DPYD: variants seen among roughly 807,000 people sequenced by gnomAD.
The protein encoded by DPYD is dihydropyrimidine dehydrogenase [NADP(+)].
A neutral mutation model predicts 116.2 loss-of-function variants in DPYD; 109 were observed. The observed-to-expected ratio is 0.94, with a 90% CI of 0.80 to 1.10. The LOEUF is 1.10. Ranked by LOEUF, DPYD falls within the 50% of genes least tolerant of loss-of-function variation. The pLI is 0.00. For synonymous variants in DPYD, 440 were observed against 432.0 expected (o/e 1.02, Z -0.23); for missense variants, 1,302 against 1,254.5 (o/e 1.04, Z -0.57).
rs7411549 is a variant in DPYD at position 97,638,766 on chromosome 1, A to C, written c.850+40329T>G. Among the ~76,000 whole-genome samples, 6 of 152,190 alleles carry C rather than the reference A, an allele frequency of 3.9e-5. No homozygotes were observed. In the East Asian group the frequency reaches 1.2e-3, roughly 30 times the overall value. On this transcript the variant is annotated intron_variant, in intron 8 of 22. Transcript: ENST00000370192. ...AGAGAGAGCAAGAGAGAAAGGAGGA[A>C]GTGTCGGGCTCTTCTTAAAAACCAG...
At position 97,736,850 on chromosome 1, in the gene DPYD, T is replaced by TTGTGTGTGTG. The variant is rs71590232; in HGVS notation, c.321+3532_321+3541dup. ...GAGGTGGGGGTGTGTGTGTGTGCAT[T>TTGTGTGTGTG]TGTGTGTGTGTGTGTGTGTGTGTGT... On this transcript the variant is annotated intron_variant, in intron 4 of 22. Transcript: ENST00000370192. 9.7e-4 allele frequency among the ~76,000 whole-genome samples: 138 copies of TTGTGTGTGTG among 142,106 alleles called. 2 individuals are homozygous for TTGTGTGTGTG. Among genetic ancestry groups the TTGTGTGTGTG allele is most frequent in the African/African-American group, 2.9e-3 (111 of 38,026 alleles). 93.2% of individuals were successfully genotyped at this position (142,106 alleles called of 152,430 possible).
intron 18 of DPYD, among the ~76,000 whole-genome samples, chr1:97,248,688 G>A (rs928200506): frequency 5.9e-5 from 9 of 151,998 alleles, no homozygotes; most frequent in Non-Finnish European, 1.2e-4. Flanking sequence ...CAAAACAAGG[G>A]TGAGACTATC....
intron 20 of DPYD, among the ~76,000 whole-genome samples, chr1:97,123,084 A>G (rs904710282): frequency 6.6e-6 from 1 of 152,152 alleles, no homozygotes; most frequent in Non-Finnish European, 1.5e-5. Flanking sequence ...ATAGTAAAAC[A>G]TGATGCTGAC....
chr1:97,276,826 C>T (rs114268357), intron 18 of DPYD, among the ~76,000 whole-genome samples: 1 of 152,024 alleles, frequency 6.6e-6, no homozygotes, highest in East Asian at 1.9e-4. Context: ...AAAACAGAAC[C>T]AGCATTTAAT....
chr1:97,373,233 A>G (rs1454428432), intron 16 of DPYD, among the ~76,000 whole-genome samples: 1 of 152,212 alleles, frequency 6.6e-6, no homozygotes, highest in African/African-American at 2.4e-5. Flanking sequence ...CTCCAGGGAA[A>G]CTGGATCGGC....
At chr1:97,240,691 G>A (rs1029362554) in intron 18 of DPYD, among the ~76,000 whole-genome samples, 1 of 151,928 alleles carries the variant, frequency 6.6e-6, no homozygotes, top group African/African-American at 2.4e-5. Context: ...CTGTCTAATT[G>A]TTAACAGTTT....
intron 18 of DPYD, among the ~76,000 whole-genome samples, chr1:97,288,290 T>C (rs1428274590): frequency 2.7e-5 from 4 of 150,432 alleles, no homozygotes; most frequent in East Asian, 4.0e-4. Context: ...GACAGAAAGT[T>C]AACAAGGATA....
chr1:97,181,959 T>C (rs982464504), intron 20 of DPYD, among the ~76,000 whole-genome samples: 2 of 152,140 alleles, frequency 1.3e-5, no homozygotes, highest in African/African-American at 4.8e-5. Flanking sequence ...ATAGCTATCA[T>C]CATCTCAGTT....
rs554672519 is a variant in DPYD at position 97,097,363 on chromosome 1, G to C, written c.2766+1126C>G. 1.3e-5 allele frequency among the ~76,000 whole-genome samples: 2 copies of C among 152,130 alleles called. 1 individual carries two copies. Among genetic ancestry groups the C allele is most frequent in the African/African-American group, 4.8e-5 (2 of 41,510 alleles). ...GTAGAAGGAATTTTTAAGGGTTCCA[G>C]TCTCCAGTTGACTGCTAAAGATGAA... On this transcript the variant is annotated intron_variant, in intron 21 of 22. Coordinates refer to ENST00000370192, the MANE Select transcript of DPYD (RefSeq NM_000110.4).
At chr1:97,768,861 A>G (rs769989035) in intron 3 of DPYD, among the ~76,000 whole-genome samples, 7 of 151,802 alleles carry the variant, frequency 4.6e-5, no homozygotes, top group Non-Finnish European at 1.0e-4. Flanking sequence ...ACACAATTTT[A>G]AGATACAATA....
intron 14 of DPYD, among the ~76,000 whole-genome samples, chr1:97,386,927 C>T (rs892544978): frequency 1.3e-5 from 2 of 151,652 alleles, no homozygotes; most frequent in Admixed American, 1.3e-4. Context: ...TTTTGCTGTA[C>T]TCCGTTTTTA....
intron 3 of DPYD, among the ~76,000 whole-genome samples, chr1:97,814,589 G>A (rs1012080399): frequency 3.9e-5 from 6 of 151,986 alleles, no homozygotes; most frequent in African/African-American, 7.2e-5. Context: ...TTTTTTCCAC[G>A]AATTCCAGAT....
intron 4 of DPYD, among the ~76,000 whole-genome samples, chr1:97,730,350 T>C (rs999693159): frequency 2.0e-5 from 3 of 152,098 alleles, no homozygotes; most frequent in Admixed American, 6.6e-5. Flanking sequence ...GTCTCACAAG[T>C]AGCTGGGACT....
intron 3 of DPYD, among the ~76,000 whole-genome samples, chr1:97,748,660 T>C (rs1229419040): frequency 6.6e-6 from 1 of 152,174 alleles, no homozygotes; most frequent in African/African-American, 2.4e-5. Context: ...TCTCAGTGCG[T>C]ATCCTATTAG....
At chr1:97,374,776 C>T (rs561577060) in intron 15 of DPYD, among the ~76,000 whole-genome samples, 8 of 142,530 alleles carry the variant, frequency 5.6e-5, no homozygotes, top group Non-Finnish European at 1.2e-4. Flanking sequence ...GGTGCAGTGG[C>T]TCACAACTGT....
intron 2 of DPYD, among the ~76,000 whole-genome samples, chr1:97,858,294 G>A (rs573587776): frequency 3.9e-5 from 6 of 151,982 alleles, no homozygotes; most frequent in Non-Finnish European, 8.8e-5. Context: ...TGATTTGTAG[G>A]CCACGAATTC....
intron 16 of DPYD, among the ~76,000 whole-genome samples, chr1:97,325,160 T>G (rs1668649603): frequency 6.6e-6 from 1 of 152,066 alleles, no homozygotes; most frequent in Admixed American, 6.6e-5. Flanking sequence ...CCCAAAGGAC[T>G]GCTAAATTTA....
At chr1:97,854,652 C>T (rs865921629) in intron 2 of DPYD, among the ~76,000 whole-genome samples, 89 of 152,202 alleles carry the variant, frequency 5.8e-4, no homozygotes, top group African/African-American at 1.6e-3. Context: ...TTTGAAAATT[C>T]TACTGAATAC....
At chr1:97,324,518 C>T (rs1413378617) in intron 16 of DPYD, among the ~76,000 whole-genome samples, 1 of 152,006 alleles carries the variant, frequency 6.6e-6, no homozygotes, top group Non-Finnish European at 1.5e-5. Flanking sequence ...TAGAAAGGAG[C>T]TATTGGCCTG....
Sources: gnomAD v4.1 joint callset for allele counts (sites outside exome capture counted in the v4.1 genomes callset) on GRCh38, gnomAD v4.1.1 for gene constraint, MANE v1.5 for transcripts, NCBI Gene and HGNC (gene_info 2026-07-23, HGNC 2026-07-21) for gene names.